Variants in LRMDA observed in about 807,000 individuals in gnomAD.
LRMDA encodes leucine-rich melanocyte differentiation-associated protein.
Under a neutral mutation model 29.8 loss-of-function variants are expected in LRMDA, and 18 were observed. That is an observed-to-expected ratio of 0.60 (90% CI 0.42 to 0.90). The LOEUF is 0.90. Ranked by LOEUF, LRMDA falls within the 40% of genes least tolerant of loss-of-function variation. The pLI, the probability that LRMDA is intolerant of heterozygous loss-of-function variation, is 0.00. For missense variants in LRMDA, 273 were observed against 273.9 expected (o/e 1.00, Z 0.02); for synonymous variants, 125 against 109.4 (o/e 1.14, Z -0.89).
intron 5 of LRMDA, among the ~76,000 whole-genome samples, chr10:76,275,334 G>C (rs1334670543): frequency 6.6e-6 from 1 of 151,642 alleles, no homozygotes; most frequent in Non-Finnish European, 1.5e-5. Context: ...AGATTTATTT[G>C]ATTGTTCTTC....
intron 2 of LRMDA, among the ~76,000 whole-genome samples, chr10:75,900,386 G>T (rs770652234): frequency 4.6e-5 from 7 of 152,164 alleles, no homozygotes; most frequent in Non-Finnish European, 8.8e-5. Flanking sequence ...TAAATTACAG[G>T]CTGGGAAAAA....
intron 5 of LRMDA, among the ~76,000 whole-genome samples, chr10:76,190,044 G>A (rs563109589): frequency 2.0e-5 from 3 of 152,232 alleles, no homozygotes; most frequent in East Asian, 3.9e-4. Context: ...GCATAGCCTC[G>A]ACCTCAAGGA....
chr10:76,483,555 C>T (rs1842753392), intron 6 of LRMDA, among the ~76,000 whole-genome samples: 1 of 151,816 alleles, frequency 6.6e-6, no homozygotes, highest in Non-Finnish European at 1.5e-5. Context: ...TAGGGACTAT[C>T]CTTAATTGTT....
At position 75,998,215 on chromosome 10, in the gene LRMDA, G is replaced by A. The variant is rs1426892261; in HGVS notation, c.132-37793G>A. Among the ~76,000 whole-genome samples the A allele has an allele frequency of 2.0e-5, 3 of 152,314 alleles. No homozygotes were observed. In the East Asian group the frequency reaches 5.8e-4, roughly 29 times the overall value. The stretch of plus-strand genomic sequence containing the variant: ...GACAAACCTCTAGTCTGCTGCCTCA[G>A]TGGACCCCTTTGTATTCCTATTCTA... On this transcript the variant is annotated intron_variant, in intron 2 of 6. Transcript: ENST00000611255.
At chr10:76,362,048 G>C (rs1841319301) in intron 6 of LRMDA, among the ~76,000 whole-genome samples, 1 of 152,176 alleles carries the variant, frequency 6.6e-6, no homozygotes, top group African/African-American at 2.4e-5. Flanking sequence ...AAGGACTCAC[G>C]AGTTCAGAGG....
At chr10:75,567,062 C>G (rs1194499302) in intron 2 of LRMDA, among the ~76,000 whole-genome samples, 2 of 152,226 alleles carry the variant, frequency 1.3e-5, no homozygotes, top group Non-Finnish European at 2.9e-5. Context: ...ACTTCAACCT[C>G]TTTCCTGAAC....
intron 2 of LRMDA, among the ~76,000 whole-genome samples, chr10:75,477,477 A>G (rs1844809881): frequency 6.6e-6 from 1 of 152,188 alleles, no homozygotes; most frequent in South Asian, 2.1e-4. Flanking sequence ...TACATGTTCC[A>G]GGCTCACTCT....
At position 76,046,159 on chromosome 10, in the gene LRMDA, G is replaced by A. The variant is rs533264681; in HGVS notation, c.259-1005G>A. On this transcript the variant is annotated intron_variant, in intron 3 of 6. Coordinates refer to ENST00000611255, the MANE Select transcript of LRMDA (RefSeq NM_001305581.2). ...GTTAACCCTCTCTCATATGTCTCTC[G>A]AAGTCACGGCCTAACCAGGCATGCC... 8.5e-4 allele frequency among the ~76,000 whole-genome samples: 129 copies of A among 152,188 alleles called. 3 individuals are homozygous for A. The South Asian group carries it at 0.023, about 27-fold the overall frequency.
At chr10:75,785,448 C>T (rs945542257) in intron 2 of LRMDA, among the ~76,000 whole-genome samples, 3 of 152,152 alleles carry the variant, frequency 2.0e-5, no homozygotes, top group South Asian at 2.1e-4. Context: ...TTTTGAGAAG[C>T]GACTGTGAAG....
chr10:76,443,171 TCAAA>T (rs1842321098), intron 6 of LRMDA, among the ~76,000 whole-genome samples: 1 of 152,144 alleles, frequency 6.6e-6, no homozygotes, highest in Admixed American at 6.5e-5. Flanking sequence ...TGAACTTAGA[TCAAA>T]CAGCTTTAAG....
At chr10:75,763,355 G>T (rs957105252) in intron 2 of LRMDA, among the ~76,000 whole-genome samples, 11 of 152,066 alleles carry the variant, frequency 7.2e-5, no homozygotes, top group African/African-American at 2.7e-4. Flanking sequence ...CCCTGAGAAA[G>T]ATTTGTAATA....
intron 2 of LRMDA, among the ~76,000 whole-genome samples, chr10:75,513,385 G>A (rs1326230728): frequency 1.3e-5 from 2 of 152,150 alleles, no homozygotes; most frequent in Non-Finnish European, 2.9e-5. Context: ...TATCATCCCT[G>A]TGGAGAACAT....
chr10:76,012,822 G>C (rs1021315360), intron 2 of LRMDA, among the ~76,000 whole-genome samples: 2 of 152,078 alleles, frequency 1.3e-5, no homozygotes, highest in Non-Finnish European at 2.9e-5. Context: ...CGCTTCTTTC[G>C]GGATATAAGC....
intron 2 of LRMDA, among the ~76,000 whole-genome samples, chr10:75,653,687 A>G (rs1238842251): frequency 6.6e-6 from 1 of 152,192 alleles, no homozygotes; most frequent in Admixed American, 6.5e-5. Context: ...CATAACTTCA[A>G]TCACAAACAC....
chr10:76,054,505 C>A (rs1279700705), intron 4 of LRMDA, among the ~76,000 whole-genome samples: 1 of 151,960 alleles, frequency 6.6e-6, no homozygotes, highest in Non-Finnish European at 1.5e-5. Flanking sequence ...AATGTGCGGT[C>A]TGTTGTCATC....
chr10:75,949,817 C>A (rs1033936166), intron 2 of LRMDA, among the ~76,000 whole-genome samples: 1 of 152,148 alleles, frequency 6.6e-6, no homozygotes, highest in Non-Finnish European at 1.5e-5. Flanking sequence ...CCAAGAGCAC[C>A]AGTTCTCACC....
At chr10:76,490,988 C>A (rs1410307784) in intron 6 of LRMDA, among the ~76,000 whole-genome samples, 2 of 151,766 alleles carry the variant, frequency 1.3e-5, no homozygotes, top group Non-Finnish European at 1.5e-5. Flanking sequence ...CAAATAATAT[C>A]TTATAACTCA....
chr10:76,549,056 A>G (rs1203267571), intron 6 of LRMDA, among the ~76,000 whole-genome samples: 1 of 152,172 alleles, frequency 6.6e-6, no homozygotes, highest in Non-Finnish European at 1.5e-5. Context: ...ATGACAGACT[A>G]TATGAGGAAC....
intron 6 of LRMDA, among the ~76,000 whole-genome samples, chr10:76,373,790 T>C (rs1283394379): frequency 6.6e-6 from 1 of 152,204 alleles, no homozygotes; most frequent in Non-Finnish European, 1.5e-5. Flanking sequence ...ATAGTTCTTT[T>C]CTGTTTCAAA....
Sources: gnomAD v4.1 joint callset for allele counts (sites outside exome capture counted in the v4.1 genomes callset) on GRCh38, gnomAD v4.1.1 for gene constraint, MANE v1.5 for transcripts, NCBI Gene and HGNC (gene_info 2026-07-23, HGNC 2026-07-21) for gene names.